The following MGLL variants were observed in gnomAD, a reference collection of about 807,000 sequenced individuals.
MGLL encodes the protein monoglyceride lipase.
A neutral mutation model predicts 29.1 loss-of-function variants in MGLL; 7 were observed. That is an observed-to-expected ratio of 0.24 (90% CI 0.14 to 0.45). MGLL has a LOEUF of 0.45. MGLL is among the 20% of genes least tolerant of loss of function. The pLI, the probability that MGLL is intolerant of heterozygous loss-of-function variation, is 0.99. For missense variants in MGLL, 356 were observed against 413.6 expected (o/e 0.86, Z 1.21); for synonymous variants, 148 against 168.3 (o/e 0.88, Z 0.93).
chr3:127,762,410 TC>T (rs1475297114), intron 3 of MGLL, among the ~76,000 whole-genome samples: 1 of 152,154 alleles, frequency 6.6e-6, no homozygotes, highest in Non-Finnish European at 1.5e-5. Flanking sequence ...CCCCAGCCTT[TC>T]TTAAGGGCTG....
At position 127,692,115 on chromosome 3, in the gene MGLL, T is replaced by G. The variant is rs1014008980; in HGVS notation, c.*83A>C. 2.0e-6 allele frequency: 1 copy of G among 492,142 alleles called. No individual in the cohort carries two copies. The highest frequency in any genetic ancestry group is 4.8e-5 in the East Asian group (1 of 20,816). 30.5% of individuals were successfully genotyped at this position (492,142 alleles called of 1,614,324 possible). A position where few individuals can be genotyped will look rare whatever the true frequency, so the allele number is the denominator to read the frequency against. ...TCTGATTTTTTTTTTTTTTTTTTTTTGGCAAGCCATATCTGAGAAGCCATC... is the reference window on the plus strand; with the variant it reads ...TCTGATTTTTTTTTTTTTTTTTTTTGGGCAAGCCATATCTGAGAAGCCATC... On this transcript the variant is annotated 3_prime_UTR_variant, in exon 8 of 8. Coordinates refer to ENST00000265052, the MANE Select transcript of MGLL (RefSeq NM_007283.7).
intron 3 of MGLL, among the ~76,000 whole-genome samples, chr3:127,738,413 C>A (rs1346193791): frequency 6.6e-6 from 1 of 152,140 alleles, no homozygotes; most frequent in Non-Finnish European, 1.5e-5. Flanking sequence ...CCTTGGGAGG[C>A]CTTGTTTCTG....
chr3:127,789,834 T>C (rs9842365), intron 2 of MGLL, among the ~76,000 whole-genome samples: 41,415 of 152,112 alleles, frequency 0.27, 8,005 homozygotes, highest in African/African-American at 0.53. Flanking sequence ...TAAAACAAAG[T>C]CACAGCACAG....
At chr3:127,739,918 G>A (rs1312528076) in intron 3 of MGLL, among the ~76,000 whole-genome samples, 4 of 152,174 alleles carry the variant, frequency 2.6e-5, no homozygotes, top group African/African-American at 4.8e-5. Context: ...GGTGAAGCAC[G>A]TATAGAGACT....
intron 7 of MGLL, among the ~76,000 whole-genome samples, 155 bp downstream of exon 7, chr3:127,694,820 C>A (rs887647793): frequency 6.6e-6 from 1 of 152,132 alleles, no homozygotes; most frequent in Admixed American, 6.5e-5. Context: ...TCCTGGGATT[C>A]CTTTTATTTA....
chr3:127,738,303 TA>T (rs34420386), intron 3 of MGLL, among the ~76,000 whole-genome samples: 8,777 of 140,724 alleles, frequency 0.062, 537 homozygotes, highest in African/African-American at 0.17. Flanking sequence ...TCTGTCTCTT[TA>T]AAAAAAAAAA....
chr3:127,799,355 G>A (rs778749910), intron 2 of MGLL: 10 of 152,178 alleles, frequency 6.6e-5, no homozygotes, highest in South Asian at 2.1e-4. Flanking sequence ...TCCCAACTTC[G>A]AATCTGCACT....
rs186002606 is a variant in MGLL at position 127,819,230 on chromosome 3, G to T, written c.155+2464C>A. ...CCGAGCCACCTGCAGAGCCAGTCTT[G>T]GAACCCAGCAGGTCCTCTGGGGGCA... On this transcript the variant is annotated intron_variant, in intron 2 of 7. Transcript: ENST00000265052. Among the ~76,000 whole-genome samples the T allele has an allele frequency of 7.2e-5, 11 of 152,300 alleles. No individual in the cohort carries two copies. In the South Asian group the frequency reaches 1.2e-3, roughly 17 times the overall value.
At chr3:127,730,142 T>C (rs2076122283) in intron 3 of MGLL, among the ~76,000 whole-genome samples, 1 of 152,230 alleles carries the variant, frequency 6.6e-6, no homozygotes, top group Non-Finnish European at 1.5e-5. Flanking sequence ...TCTAGATTTC[T>C]GCATCCAGTC....
At chr3:127,790,544 A>T (rs1014437330) in intron 2 of MGLL, among the ~76,000 whole-genome samples, 2 of 152,074 alleles carry the variant, frequency 1.3e-5, no homozygotes, top group African/African-American at 4.8e-5. Flanking sequence ...AGGGAGGGGG[A>T]TAGATTGGAC....
chr3:127,783,538 C>G (rs1227918530), intron 2 of MGLL, among the ~76,000 whole-genome samples: 2 of 152,270 alleles, frequency 1.3e-5, no homozygotes, highest in East Asian at 3.8e-4. Context: ...ACACCTCATT[C>G]AACAGCTGTG....
chr3:127,716,348 G>A (rs3773146), intron 5 of MGLL, among the ~76,000 whole-genome samples: 51,885 of 152,258 alleles, frequency 0.34, 10,679 homozygotes, highest in Non-Finnish European at 0.47. Context: ...AGACTCAACC[G>A]CTCTGCAGCA....
At chr3:127,697,126 C>T (rs1182747383) in intron 6 of MGLL, among the ~76,000 whole-genome samples, 2 of 152,218 alleles carry the variant, frequency 1.3e-5, no homozygotes, top group Admixed American at 6.5e-5. Context: ...GCCATCTGCT[C>T]GGAGCCTGAG....
chr3:127,758,194 T>C (rs1036931920), intron 3 of MGLL, among the ~76,000 whole-genome samples: 6 of 152,190 alleles, frequency 3.9e-5, no homozygotes, highest in African/African-American at 1.4e-4. Flanking sequence ...TTTGCTCAAC[T>C]ACCACTTTCT....
At chr3:127,807,252 A>G (rs1256585011) in intron 2 of MGLL, among the ~76,000 whole-genome samples, 1 of 152,150 alleles carries the variant, frequency 6.6e-6, no homozygotes, top group Non-Finnish European at 1.5e-5. Flanking sequence ...CAAATTTATT[A>G]GCACACAATT....
intron 5 of MGLL, among the ~76,000 whole-genome samples, 179 bp downstream of exon 5, chr3:127,720,874 C>T (rs1203589412): frequency 6.6e-6 from 1 of 152,168 alleles, no homozygotes; most frequent in Non-Finnish European, 1.5e-5. Flanking sequence ...ATGGCACCTG[C>T]CTTTAGAAAT....
At chr3:127,750,043 C>CT (rs2076528127) in intron 3 of MGLL, among the ~76,000 whole-genome samples, 1 of 151,986 alleles carries the variant, frequency 6.6e-6, no homozygotes, top group South Asian at 2.1e-4. Context: ...TTCTTGGGGA[C>CT]TTTGACTTTT....
chr3:127,788,996 C>T (rs1474612909), intron 2 of MGLL, among the ~76,000 whole-genome samples: 1 of 152,204 alleles, frequency 6.6e-6, no homozygotes, highest in African/African-American at 2.4e-5. Context: ...GCACTCAATG[C>T]CCCAGGTTAA....
chr3:127,705,673 G>A (rs1410407744), intron 6 of MGLL, among the ~76,000 whole-genome samples: 1 of 151,898 alleles, frequency 6.6e-6, no homozygotes, highest in African/African-American at 2.4e-5. Context: ...CTACTCAGGA[G>A]GCTGAGGCAG....
Sources: gnomAD v4.1 joint callset for allele counts (sites outside exome capture counted in the v4.1 genomes callset) on GRCh38, gnomAD v4.1.1 for gene constraint, MANE v1.5 for transcripts, NCBI Gene and HGNC (gene_info 2026-07-23, HGNC 2026-07-21) for gene names.